DUSP22: variants seen among roughly 807,000 people sequenced by gnomAD.
DUSP22 encodes dual specificity phosphatase 22.
A neutral mutation model predicts 24.5 loss-of-function variants in DUSP22; 24 were observed. That is an observed-to-expected ratio of 0.98 (90% CI 0.71 to 1.38). The LOEUF is 1.38. DUSP22 is among the 40% of genes most tolerant of loss of function. The pLI is 0.00. For synonymous variants in DUSP22, 160 were observed against 106.4 expected, an observed-to-expected ratio of 1.50 and a Z score of -3.10; for missense variants, 330 against 269.2, an observed-to-expected ratio of 1.23 and a Z score of -1.58.
Position 301,091 on chromosome 6 carries a change from G to A in DUSP22, c.22-3537G>A, listed in dbSNP as rs1317692973. Among the ~76,000 whole-genome samples the A allele has an allele frequency of 5.2e-5, 8 of 152,428 alleles. No homozygotes were observed. In the East Asian group the frequency reaches 1.5e-3, roughly 29 times the overall value. On this transcript the variant is annotated intron_variant, in intron 1 of 6. Transcript: ENST00000419235. ...CATGTAGCAGCAAAGGCTTACGTGA[G>A]CAGGTATCTGGCATTGGCAGCTTCT...
At chr6:326,343 C>G (rs1349874670) in intron 3 of DUSP22, among the ~76,000 whole-genome samples, 1 of 148,734 alleles carries the variant, frequency 6.7e-6, no homozygotes, top group East Asian at 2.0e-4. Flanking sequence ...CTTCTGCGTT[C>G]TGGTGTGTGC....
chr6:328,306 A>T (rs1368099630), intron 3 of DUSP22, among the ~76,000 whole-genome samples: 1 of 152,304 alleles, frequency 6.6e-6, no homozygotes, highest in African/African-American at 2.4e-5. Flanking sequence ...GGTGAGACGG[A>T]GCTAGAGTGA....
At chr6:292,743 C>G (rs889252501) in intron 1 of DUSP22, among the ~76,000 whole-genome samples, 183 bp downstream of exon 1, 6 of 152,270 alleles carry the variant, frequency 3.9e-5, no homozygotes, top group Non-Finnish European at 5.9e-5. Flanking sequence ...TGTTCCCGCC[C>G]CCACCCCACC....
chr6:312,065 A>G, intron 3 of DUSP22, 103 bp downstream of exon 3: 1 of 1,225,812 alleles, frequency 8.2e-7, no homozygotes, highest in East Asian at 2.6e-5. Flanking sequence ...ATGCGAACGT[A>G]CTCCTGTGAT....
At chr6:301,463 TC>T (rs1489275232) in intron 1 of DUSP22, among the ~76,000 whole-genome samples, 1 of 152,304 alleles carries the variant, frequency 6.6e-6, no homozygotes, top group East Asian at 1.9e-4. Flanking sequence ...AATATTTAGT[TC>T]AATGTTTGGC....
At chr6:314,250 C>A (rs578035740) in intron 3 of DUSP22, among the ~76,000 whole-genome samples, 4 of 152,160 alleles carry the variant, frequency 2.6e-5, no homozygotes, top group Admixed American at 2.6e-4. Flanking sequence ...TCATTTATTT[C>A]CCGAGATCTT....
At chr6:297,856 G>T (rs1306157527) in intron 1 of DUSP22, among the ~76,000 whole-genome samples, 6 of 152,308 alleles carry the variant, frequency 3.9e-5, no homozygotes, top group African/African-American at 1.4e-4. Flanking sequence ...CTGGCAGCAG[G>T]TGACTTGGCT....
intron 5 of DUSP22, among the ~76,000 whole-genome samples, chr6:346,851 G>A (rs1759904661): frequency 6.6e-6 from 1 of 151,516 alleles, no homozygotes. Flanking sequence ...AGGGGACCCA[G>A]GGACCCAGTG....
chr6:299,371 T>G (rs1045054483), intron 1 of DUSP22, among the ~76,000 whole-genome samples: 1 of 152,312 alleles, frequency 6.6e-6, no homozygotes, highest in African/African-American at 2.4e-5. Context: ...ATTCAGGGAT[T>G]ACCAGCAACA....
chr6:298,880 C>CTGAAAGTAA (rs1250895797), intron 1 of DUSP22, among the ~76,000 whole-genome samples: 186 of 128,488 alleles, frequency 1.4e-3, no homozygotes, highest in Middle Eastern at 0.012. Flanking sequence ...CAAGATCAGT[C>CTGAAAGTAA]CGAAAGTAAG....
intron 3 of DUSP22, among the ~76,000 whole-genome samples, chr6:322,147 G>T (rs1332638886): frequency 6.6e-6 from 1 of 152,284 alleles, no homozygotes; most frequent in Non-Finnish European, 1.5e-5. Context: ...TATCTACATA[G>T]TGTATACATA....
At chr6:334,934 C>G (rs531144029) in intron 3 of DUSP22, among the ~76,000 whole-genome samples, 180 bp from the exon 4 acceptor site, 2 of 152,302 alleles carry the variant, frequency 1.3e-5, no homozygotes. Flanking sequence ...CGCATGGTCA[C>G]GGAAAATAAC....
chr6:338,598 CTG>C (rs1470974317), intron 4 of DUSP22, among the ~76,000 whole-genome samples: 6 of 152,418 alleles, frequency 3.9e-5, no homozygotes, highest in African/African-American at 1.2e-4. Flanking sequence ...CACTTGGAAA[CTG>C]TGTTCTGCAG....
At chr6:338,812 C>A (rs969073755) in intron 4 of DUSP22, among the ~76,000 whole-genome samples, 2 of 152,306 alleles carry the variant, frequency 1.3e-5, no homozygotes. Flanking sequence ...CAAATCCCTG[C>A]ACGAACAGGA....
chr6:347,087 C>T (rs1759920647), intron 5 of DUSP22, among the ~76,000 whole-genome samples: 1 of 152,296 alleles, frequency 6.6e-6, no homozygotes, highest in Non-Finnish European at 1.5e-5. Flanking sequence ...CTTTAACATA[C>T]CTTGGGGGTT....
chr6:345,779 C>G, intron 4 of DUSP22, 75 bp from the exon 5 acceptor site: 1 of 1,543,236 alleles, frequency 6.5e-7, no homozygotes, highest in Non-Finnish European at 8.8e-7. Context: ...AGAAAGAAGC[C>G]TCAGGTAGAA....
chr6:327,423 G>A lies in DUSP22; in HGVS notation c.139-7691G>A, dbSNP rs1243526918. 4.6e-5 allele frequency among the ~76,000 whole-genome samples: 7 copies of A among 152,420 alleles called. No homozygotes were observed. In the East Asian group the frequency reaches 5.8e-4, roughly 13 times the overall value. Reference sequence around the variant, plus strand: ...AGCCTGGGAGCAGTGCTGTCAGGGCGCATTGGGTTGGTGGCCACATGTTTA... The same window carrying A: ...AGCCTGGGAGCAGTGCTGTCAGGGCACATTGGGTTGGTGGCCACATGTTTA... On this transcript the variant is annotated intron_variant, in intron 3 of 6. Transcript: ENST00000419235.
chr6:337,404 A>G (rs1180271324), intron 4 of DUSP22, among the ~76,000 whole-genome samples: 1 of 152,300 alleles, frequency 6.6e-6, no homozygotes, highest in African/African-American at 2.4e-5. Context: ...ATATTAATGT[A>G]TCTTGAGAGT....
chr6:315,587 G>T (rs1438248578), intron 3 of DUSP22, among the ~76,000 whole-genome samples: 1 of 152,308 alleles, frequency 6.6e-6, no homozygotes, highest in African/African-American at 2.4e-5. Flanking sequence ...TGCTATTTGT[G>T]CTTGTACTAG....
Sources: allele counts gnomAD v4.1 joint callset (sites outside exome capture counted in the v4.1 genomes callset), GRCh38; gene constraint gnomAD v4.1.1; transcripts MANE v1.5; gene names NCBI Gene and HGNC (gene_info 2026-07-23, HGNC 2026-07-21).